Variants in GID8 observed in about 807,000 individuals in gnomAD.
The protein encoded by GID8 is GID complex subunit 8 homolog.
In GID8, 6 loss-of-function variants were observed where a neutral mutation model predicts 27.4. The ratio of observed to expected loss-of-function variants is 0.22; its 90% CI spans 0.12 to 0.43. The LOEUF (loss-of-function observed/expected upper bound fraction) is 0.43, where lower values mean the gene tolerates loss of function less well. GID8 is among the 20% of genes least tolerant of loss of function. The pLI, the probability that GID8 is intolerant of heterozygous loss-of-function variation, is 1.00. For missense variants in GID8, 173 were observed against 287.6 expected (o/e 0.60, Z 2.88); for synonymous variants, 112 against 109.0 (o/e 1.03, Z -0.17).
In GID8 at chr20:62,948,251, G is replaced by A. The variant is rs2065474684; in HGVS notation, c.*3339G>A. 1 of 152,240 alleles carries A rather than the reference G, an allele frequency of 6.6e-6. No homozygotes were observed. The highest frequency in any genetic ancestry group is 2.1e-4 in the South Asian group (1 of 4,836). The allele number at this position is 152,240 out of a possible 1,614,324, so 9.4% of individuals were successfully genotyped here. ...AGGTATGTTTTTGTTTCAGAAATAT[G>A]TATTGCTTTTCTCATATTTTTTGCA... On this transcript the variant is annotated 3_prime_UTR_variant, in exon 5 of 5. Coordinates refer to ENST00000266069, the MANE Select transcript of GID8 (RefSeq NM_017896.3).
intron 1 of GID8, among the ~76,000 whole-genome samples, chr20:62,940,402 T>A (rs991376076): frequency 6.7e-6 from 1 of 149,472 alleles, no homozygotes; most frequent in Non-Finnish European, 1.5e-5. Context: ...CAGGCTGGAG[T>A]GCAGTGGCAT....
intron 1 of GID8, among the ~76,000 whole-genome samples, chr20:62,940,187 C>CTTT (rs547746346): frequency 4.5e-5 from 6 of 132,240 alleles, no homozygotes; most frequent in Admixed American, 1.7e-4. Context: ...TCTTTTTTTT[C>CTTT]TTTTTTTTTT....
chr20:62,941,658 G>T (rs762451904), intron 2 of GID8, 38 bp downstream of exon 2: 1 of 1,127,726 alleles, frequency 8.9e-7, no homozygotes, highest in Non-Finnish European at 1.4e-6. Context: ...GCATGAATGT[G>T]ATTCTCCCTT....
At position 62,941,544 on chromosome 20, in the gene GID8, G is replaced by A. The variant is rs768340450; in HGVS notation, c.42G>A (p.Glu14=). Residue 14 remains glutamate, a synonymous_variant, in exon 2 of 5, where the codon GAG becomes GAA. Transcript: ENST00000266069. ...AACCCGATGAAATCACGAAAGATGA[G>A]TGGATGGAAAAGCTCAATAACTTGC... is the stretch of plus-strand genomic sequence containing the variant. ...AEKPDEITKD[E]WMEKLNNLHV... 7 of 1,613,264 alleles carry A rather than the reference G, an allele frequency of 4.3e-6. No individual in the cohort carries two copies. In the South Asian group the frequency reaches 4.4e-5, roughly 10 times the overall value.
chr20:62,944,917 T>C lies in GID8; in HGVS notation c.*5T>C, dbSNP rs2065459233. On this transcript the variant is annotated 3_prime_UTR_variant, in exon 5 of 5. Coordinates refer to ENST00000266069, the MANE Select transcript of GID8 (RefSeq NM_017896.3). The stretch of plus-strand genomic sequence containing the variant: ...GTGATTGAGGAGCCCAAGTAGCGCC[T>C]GCGCTTGCGTGGTGGATCCAACACC... The C allele has an allele frequency of 1.2e-6, 2 of 1,606,378 alleles. No individual in the cohort carries two copies. Among genetic ancestry groups the C allele is most frequent in the Non-Finnish European group, 1.7e-6 (2 of 1,175,968 alleles).
At chr20:62,942,921 G>A in intron 2 of GID8, 66 bp from the exon 3 acceptor site, 1 of 1,195,406 alleles carries the variant, frequency 8.4e-7, no homozygotes, top group South Asian at 1.3e-5. Context: ...AGTTTCTGGA[G>A]ATACAAAGTC....
chr20:62,941,535 G>A lies in GID8; in HGVS notation c.33G>A (p.Thr11=), dbSNP rs182391702. The change falls in exon 2 of 5, where the codon ACG becomes ACA. Residue 11 remains threonine, a synonymous_variant. Transcript: ENST00000266069. ...ATGCAGAAAAACCCGATGAAATCAC[G>A]AAAGATGAGTGGATGGAAAAGCTCA... MSYAEKPDEI[T]KDEWMEKLNN... The A allele has an allele frequency of 1.1e-5, 18 of 1,612,636 alleles. No homozygotes were observed. The East Asian group carries it at 2.5e-4, about 22-fold the overall frequency.
At position 62,943,613 on chromosome 20, in the gene GID8, G is replaced by C. The variant is rs759890618; in HGVS notation, c.434G>C (p.Arg145Pro). 6.2e-7 allele frequency: 1 copy of C among 1,613,792 alleles called. No homozygotes were observed. Among genetic ancestry groups the C allele is most frequent in the Admixed American group, 1.7e-5 (1 of 60,034 alleles). The change falls in exon 4 of 5, where the codon CGT (arginine) becomes CCT (proline). Residue 145 changes from arginine (R) to proline (P), a missense_variant. By Grantham distance (103) the Arg-to-Pro change is moderately radical. Coordinates refer to ENST00000266069, the MANE Select transcript of GID8 (RefSeq NM_017896.3). The surrounding 1 kb of genome is among the most constrained non-coding windows in gnomAD (Gnocchi z 4.7). Reference sequence around the variant, plus strand: ...CGAGAGTGCCTCACAGAGATGGAGCGTACCCTGGCACTGCTGGCCTTTGAC... The same window carrying C: ...CGAGAGTGCCTCACAGAGATGGAGCCTACCCTGGCACTGCTGGCCTTTGAC... ...ESRECLTEMERTLALLAFDSP... is the reference protein window; with the variant it reads ...ESRECLTEMEPTLALLAFDSP...
At position 62,943,483 on chromosome 20, in the gene GID8, C is replaced by G. The variant is rs766876334; in HGVS notation, c.316-12C>G. The G allele has an allele frequency of 2.2e-5, 36 of 1,610,994 alleles. No homozygotes were observed. The highest frequency in any genetic ancestry group is 3.0e-5 in the Non-Finnish European group (35 of 1,179,342). Reference sequence around the variant, plus strand: ...GTGTGTGGGGGTCAAGCTTGTCTGTCTCTGCCTCCAGCAACAGCATTTGAT... The same window carrying G: ...GTGTGTGGGGGTCAAGCTTGTCTGTGTCTGCCTCCAGCAACAGCATTTGAT... On this transcript the variant is annotated splice_polypyrimidine_tract_variant and intron_variant, in intron 3 of 4. Transcript: ENST00000266069. This position sits in a 1 kb window ranked among gnomAD's most constrained non-coding sequence, Gnocchi z 4.7.
At position 62,945,171 on chromosome 20, in the gene GID8, T is replaced by G; in HGVS notation, c.*259T>G. The G allele has an allele frequency of 8.0e-7, 1 of 1,256,670 alleles. No homozygotes were observed. The highest frequency in any genetic ancestry group is 1.5e-5 in the African/African-American group (1 of 66,692). The allele number at this position is 1,256,670 out of a possible 1,614,324, so 77.8% of individuals were successfully genotyped here. On this transcript the variant is annotated 3_prime_UTR_variant, in exon 5 of 5. Transcript: ENST00000266069. The stretch of plus-strand genomic sequence containing the variant: ...GCTGAAGAATCTGGAAGGTTGCGGT[T>G]TGCTCTTCCAGTGTTCGGGGGCCTC...
chr20:62,946,093 C>CTGCTGCATTG lies in GID8; in HGVS notation c.*1181_*1182insTGCTGCATTG. On this transcript the variant is annotated 3_prime_UTR_variant, in exon 5 of 5. Coordinates refer to ENST00000266069, the MANE Select transcript of GID8 (RefSeq NM_017896.3). ...ATGTGTTTGGATTCATTGCAGCGGA[C>CTGCTGCATTG]CACCGGGCACTGTTGACCCCACTGA... is the stretch of plus-strand genomic sequence containing the variant. 1 of 1,125,700 alleles carries CTGCTGCATTG rather than the reference C, an allele frequency of 8.9e-7. No homozygotes were observed. The highest frequency in any genetic ancestry group is 1.2e-6 in the Non-Finnish European group (1 of 843,920). The allele number at this position is 1,125,700 out of a possible 1,614,324, so 69.7% of individuals were successfully genotyped here.
rs2065472108 is a variant in GID8, at chr20:62,947,684, G to C, written c.*2772G>C. The stretch of plus-strand genomic sequence containing the variant: ...GGGTCTCCAGTTTCTAGAAAAGGCA[G>C]ACACTGGTTGGGACCAAAGTCTCCA... On this transcript the variant is annotated 3_prime_UTR_variant, in exon 5 of 5. Transcript: ENST00000266069. The C allele has an allele frequency of 6.6e-6, 1 of 152,316 alleles. No homozygotes were observed. The highest frequency in any genetic ancestry group is 2.4e-5 in the African/African-American group (1 of 41,446). The allele number at this position is 152,316 out of a possible 1,614,324, so 9.4% of individuals were successfully genotyped here.
At chr20:62,939,041 C>T (rs1303557304) in intron 1 of GID8, among the ~76,000 whole-genome samples, 1 of 152,028 alleles carries the variant, frequency 6.6e-6, no homozygotes, top group African/African-American at 2.4e-5. Flanking sequence ...TCGCTTGAGC[C>T]CAGGAGGTCG....
chr20:62,946,038 G>A lies in GID8; in HGVS notation c.*1126G>A, dbSNP rs1401968120. ...TTGCCTGCGAGTCGGGACAGTTGAT[G>A]GGCACATGGCCTTGTAGCTCTGGGC... On this transcript the variant is annotated 3_prime_UTR_variant, in exon 5 of 5. Coordinates refer to ENST00000266069, the MANE Select transcript of GID8 (RefSeq NM_017896.3). 1 of 1,287,972 alleles carries A rather than the reference G, an allele frequency of 7.8e-7. No homozygotes were observed. The highest frequency in any genetic ancestry group is 2.3e-5 in the Admixed American group (1 of 43,560). 79.8% of individuals were successfully genotyped at this position (1,287,972 alleles called of 1,614,324 possible).
At chr20:62,939,222 C>T (rs1256062497) in intron 1 of GID8, among the ~76,000 whole-genome samples, 1 of 152,104 alleles carries the variant, frequency 6.6e-6, no homozygotes, top group Non-Finnish European at 1.5e-5. Context: ...GATGGGTGTT[C>T]GTGTGTGACA....
intron 1 of GID8, chr20:62,938,719 A>G (rs1235335194): frequency 6.6e-6 from 1 of 152,224 alleles, no homozygotes; most frequent in Non-Finnish European, 1.5e-5. Flanking sequence ...TCTTCCTGCT[A>G]ACAGGACTGG....
chr20:62,944,003 G>A (rs1379410193), intron 4 of GID8, among the ~76,000 whole-genome samples: 1 of 151,986 alleles, frequency 6.6e-6, no homozygotes, highest in Non-Finnish European at 1.5e-5. Flanking sequence ...GCCCAGCTAA[G>A]TTTTGTATTT....
Position 62,944,788 on chromosome 20 carries a change from C to T in GID8, c.563C>T (p.Ser188Leu). Reference protein sequence around the residue: ...QAVLDYENRESTPKLAKLLKL... With the variant: ...QAVLDYENRELTPKLAKLLKL... ...GTGCTAGATTATGAAAATCGCGAGT[C>T]AACACCCAAACTGGCAAAATTACTG... Residue 188 changes from serine to leucine, a missense_variant, in exon 5 of 5, where the codon TCA (serine) becomes TTA (leucine). Ser to Leu is a moderately radical substitution (Grantham distance 145). Coordinates refer to ENST00000266069, the MANE Select transcript of GID8 (RefSeq NM_017896.3). 3 of 1,614,126 alleles carry T rather than the reference C, an allele frequency of 1.9e-6. No homozygotes were observed. The highest frequency in any genetic ancestry group is 2.5e-6 in the Non-Finnish European group (3 of 1,179,974).
At chr20:62,940,900 C>T (rs913193844) in intron 1 of GID8, among the ~76,000 whole-genome samples, 1 of 152,276 alleles carries the variant, frequency 6.6e-6, no homozygotes, top group Non-Finnish European at 1.5e-5. Flanking sequence ...ATACCTAACA[C>T]ATTTCAGTGA....
Sources: allele counts gnomAD v4.1 joint callset (sites outside exome capture counted in the v4.1 genomes callset), GRCh38; gene constraint gnomAD v4.1.1; non-coding constraint Gnocchi (gnomAD v3.1); transcripts MANE v1.5; gene names NCBI Gene and HGNC (gene_info 2026-07-23, HGNC 2026-07-21).